The following TNPO1 variants were observed in gnomAD, a reference collection of about 807,000 sequenced individuals.
TNPO1 encodes transportin-1.
TNPO1 carries 8 observed loss-of-function variants against 119.5 expected under a neutral mutation model. That is an observed-to-expected ratio of 0.07 (90% CI 0.04 to 0.12). The LOEUF (loss-of-function observed/expected upper bound fraction) is 0.12, where lower values mean the gene tolerates loss of function less well. Ranked by LOEUF, TNPO1 falls within the 10% of genes least tolerant of loss-of-function variation. TNPO1 has a pLI of 1.00. For missense variants in TNPO1, 576 were observed against 1,089.8 expected, an observed-to-expected ratio of 0.53 and a Z score of 6.64; for synonymous variants, 362 against 363.0, an observed-to-expected ratio of 1.00 and a Z score of 0.03.
In TNPO1 at chr5:72,905,393, G is replaced by A; in HGVS notation, c.2680G>A (p.Ala894Thr). The change falls in exon 24 of 25, where the codon GCT (alanine) becomes ACT (threonine). Residue 894 changes from alanine to threonine, a missense_variant. Ala to Thr is a moderately conservative substitution (Grantham distance 58). Around this residue, in one of 6 missense-constraint regions of TNPO1, gnomAD observed 162 missense variants for 294.1 expected, o/e 0.55. Coordinates refer to ENST00000337273, the MANE Select transcript of TNPO1 (RefSeq NM_002270.4). ...FPLPLKERLA[A>T]FYGV ...TCTTCCCTTAAAAGAGCGTCTTGCA[G>A]CTTTTTATGGTGTTTAATCTAATAC... is the stretch of plus-strand genomic sequence containing the variant. 6.2e-7 allele frequency: 1 copy of A among 1,611,108 alleles called. No individual in the cohort carries two copies.
At chr5:72,855,099 G>T (rs1174990394) in intron 3 of TNPO1, among the ~76,000 whole-genome samples, 1 of 151,884 alleles carries the variant, frequency 6.6e-6, no homozygotes, top group African/African-American at 2.4e-5. Flanking sequence ...GAGTTCAAGT[G>T]ATTCTCCTGC....
At chr5:72,907,390 G>C (rs1482673891) in intron 24 of TNPO1, among the ~76,000 whole-genome samples, 1 of 152,268 alleles carries the variant, frequency 6.6e-6, no homozygotes, top group South Asian at 2.1e-4. Flanking sequence ...GCTAAAAGTA[G>C]ATCAGTATCT....
chr5:72,828,783 A>G (rs1364076), intron 1 of TNPO1, among the ~76,000 whole-genome samples: 101,913 of 151,844 alleles, frequency 0.67, 34,593 homozygotes, highest in Middle Eastern at 0.78. Flanking sequence ...TTTAGTTGTC[A>G]TGTCTTTTTA....
At chr5:72,896,662 G>A (rs2112474568) in intron 19 of TNPO1, 106 bp downstream of exon 19, 3 of 764,294 alleles carry the variant, frequency 3.9e-6, no homozygotes, top group East Asian at 6.4e-5. Context: ...CTGAGGTCAG[G>A]AGTTTGAGAC....
At chr5:72,873,134 CA>C (rs1747530182) in intron 7 of TNPO1, among the ~76,000 whole-genome samples, 2 of 152,040 alleles carry the variant, frequency 1.3e-5, no homozygotes, top group Admixed American at 1.3e-4. Flanking sequence ...ACTACAAGGA[CA>C]GTATTTTCCA....
At chr5:72,880,372 C>T (rs752154106) in intron 9 of TNPO1, among the ~76,000 whole-genome samples, 1 of 152,020 alleles carries the variant, frequency 6.6e-6, no homozygotes, top group Non-Finnish European at 1.5e-5. Context: ...ATTGTTTTGG[C>T]TTTTTCCCAC....
At chr5:72,884,049 C>G (rs1295358531) in intron 11 of TNPO1, among the ~76,000 whole-genome samples, 1 of 152,064 alleles carries the variant, frequency 6.6e-6, no homozygotes, top group Non-Finnish European at 1.5e-5. Flanking sequence ...TGTGTCTGGC[C>G]CAATGTGTAT....
chr5:72,890,381 G>T lies in TNPO1; in HGVS notation c.1701+424G>T, dbSNP rs183352080. Among the ~76,000 whole-genome samples, 304 of 152,160 alleles carry T rather than the reference G, an allele frequency of 2.0e-3. 3 individuals are homozygous for T. The highest frequency in any genetic ancestry group is 7.1e-3 in the African/African-American group (294 of 41,514). On this transcript the variant is annotated intron_variant, in intron 14 of 24. Transcript: ENST00000337273. ...ACTGTATAAAACAAATAGAAATTGGGGTAGTAGGTTTAAAAATGCTAAATA... is the reference window on the plus strand; with the variant it reads ...ACTGTATAAAACAAATAGAAATTGGTGTAGTAGGTTTAAAAATGCTAAATA...
intron 1 of TNPO1, among the ~76,000 whole-genome samples, chr5:72,831,862 G>A (rs1415628083): frequency 6.6e-6 from 1 of 151,966 alleles, no homozygotes; most frequent in Non-Finnish European, 1.5e-5. Flanking sequence ...TAACTAAAAC[G>A]TAACCGTTCA....
intron 11 of TNPO1, 53 bp from the exon 12 acceptor site, chr5:72,887,017 T>C: frequency 1.4e-6 from 2 of 1,468,892 alleles, no homozygotes; most frequent in Non-Finnish European, 1.8e-6. Flanking sequence ...CAATAAATAA[T>C]ATATAAGTAA....
chr5:72,852,821 C>CT (rs1379273309), intron 3 of TNPO1, among the ~76,000 whole-genome samples: 1 of 152,114 alleles, frequency 6.6e-6, no homozygotes, highest in Non-Finnish European at 1.5e-5. Flanking sequence ...ATTTAGAACT[C>CT]TTAAGTCTAG....
chr5:72,874,938 G>A (rs1209218242), intron 7 of TNPO1, among the ~76,000 whole-genome samples: 4 of 152,206 alleles, frequency 2.6e-5, no homozygotes, highest in Admixed American at 6.5e-5. Context: ...GTGGAAGCTT[G>A]TTGGTGTAGG....
chr5:72,848,301 T>G, intron 1 of TNPO1, 84 bp from the exon 2 acceptor site: 3 of 1,398,220 alleles, frequency 2.1e-6, no homozygotes, highest in Middle Eastern at 1.9e-4. Context: ...GGAGAACGGG[T>G]CAGCTGCGCG....
chr5:72,849,923 A>G (rs1580390013), intron 2 of TNPO1, among the ~76,000 whole-genome samples: 1 of 152,196 alleles, frequency 6.6e-6, no homozygotes, highest in Non-Finnish European at 1.5e-5. Context: ...CTGTGGCACC[A>G]TATATCATAA....
At position 72,845,684 on chromosome 5, in the gene TNPO1, G is replaced by A. The variant is rs1295788452; in HGVS notation, c.16-2701G>A. 3.3e-5 allele frequency among the ~76,000 whole-genome samples: 5 copies of A among 152,266 alleles called. No individual in the cohort carries two copies. In the East Asian group the frequency reaches 7.7e-4, roughly 24 times the overall value. On this transcript the variant is annotated intron_variant, in intron 1 of 24. Coordinates refer to ENST00000337273, the MANE Select transcript of TNPO1 (RefSeq NM_002270.4). ...GGGAAACACCTATTCTGTCATCATA[G>A]GCTGATCAAATTAAATGTCCTTAAT...
intron 3 of TNPO1, among the ~76,000 whole-genome samples, chr5:72,853,906 A>G (rs1035089016): frequency 1.3e-5 from 2 of 152,256 alleles, no homozygotes; most frequent in Non-Finnish European, 2.9e-5. Flanking sequence ...ACACTGAAGT[A>G]GTCTTAATTT....
rs374201083 is a variant in TNPO1 at position 72,893,496 on chromosome 5, C to T, written c.2016C>T (p.Ala672=). 2.1e-5 allele frequency: 34 copies of T among 1,613,962 alleles called. No homozygotes were observed. Among genetic ancestry groups the T allele is most frequent in the African/African-American group, 4.0e-5 (3 of 74,886 alleles). The change falls in exon 17 of 25, where the codon GCC becomes GCT. Residue 672 remains alanine (A), a synonymous_variant. Coordinates refer to ENST00000337273, the MANE Select transcript of TNPO1 (RefSeq NM_002270.4). ...GLGGNIEQLV[A]RSNILTLMYQ... is the part of the protein sequence containing the mutation. ...GAGGCAACATTGAACAGCTGGTAGC[C>T]CGAAGTAACATCCTGACACTAATGT...
At position 72,842,301 on chromosome 5, in the gene TNPO1, CA is replaced by C. The variant is rs529504756; in HGVS notation, c.16-6083del. 1.8e-3 allele frequency among the ~76,000 whole-genome samples: 281 copies of C among 152,216 alleles called. 3 individuals carry two copies. The highest frequency in any genetic ancestry group is 6.5e-3 in the African/African-American group (270 of 41,496). ...TGTTTCTTTTGGAAAGGCAGTATAT[CA>C]GGGGCTTCCAGACTGGACACTGGAG... On this transcript the variant is annotated intron_variant, in intron 1 of 24. Transcript: ENST00000337273.
intron 3 of TNPO1, among the ~76,000 whole-genome samples, 183 bp from the exon 4 acceptor site, chr5:72,855,591 T>C (rs1039004602): frequency 6.6e-6 from 1 of 152,202 alleles, no homozygotes; most frequent in Non-Finnish European, 1.5e-5. Context: ...TATGTCAAGG[T>C]TGAAAAACCC....
Sources: gnomAD v4.1 joint callset for allele counts (sites outside exome capture counted in the v4.1 genomes callset) on GRCh38, gnomAD v4.1.1 for gene constraint, gnomAD v4.1.1 regional missense constraint, MANE v1.5 for transcripts, NCBI Gene and HGNC (gene_info 2026-07-23, HGNC 2026-07-21) for gene names.